Variants in BZW2 observed in about 807,000 individuals in gnomAD.
The protein encoded by BZW2 is basic leucine zipper and W2 domains 2.
In BZW2, 23 loss-of-function variants were observed where a neutral mutation model predicts 53.2. That is an observed-to-expected ratio of 0.43 (90% CI 0.31 to 0.61). The LOEUF (loss-of-function observed/expected upper bound fraction) is 0.61, where lower values mean the gene tolerates loss of function less well. BZW2 is among the 20% of genes least tolerant of loss of function. The probability of loss-of-function intolerance (pLI) is 0.09; values close to 1 mark genes in which losing one functional copy is unlikely to be tolerated. For synonymous variants in BZW2, 227 were observed against 186.4 expected (o/e 1.22, Z -1.77); for missense variants, 409 against 503.1 (o/e 0.81, Z 1.79).
At chr7:16,703,919 A>G (rs1210099438) in intron 10 of BZW2, among the ~76,000 whole-genome samples, 1 of 152,180 alleles carries the variant, frequency 6.6e-6, no homozygotes, top group Non-Finnish European at 1.5e-5. Context: ...GAGGAAAAAT[A>G]TTACTCTTGT....
intron 10 of BZW2, among the ~76,000 whole-genome samples, chr7:16,701,349 A>G (rs1476231760): frequency 6.6e-6 from 1 of 152,124 alleles, no homozygotes; most frequent in Non-Finnish European, 1.5e-5. Context: ...TACTGTTATT[A>G]TCTCTATCAT....
intron 10 of BZW2, among the ~76,000 whole-genome samples, chr7:16,699,804 G>T (rs1333026606): frequency 2.0e-5 from 3 of 152,090 alleles, no homozygotes; most frequent in African/African-American, 7.2e-5. Flanking sequence ...TTTTCCTTTA[G>T]ACTTAGACTT....
At chr7:16,664,500 C>G (rs925205782) in intron 1 of BZW2, among the ~76,000 whole-genome samples, 1 of 152,138 alleles carries the variant, frequency 6.6e-6, no homozygotes, top group East Asian at 1.9e-4. Context: ...AGAAGCCAGA[C>G]CTTATCTGGC....
At chr7:16,703,529 T>C (rs1057251171) in intron 10 of BZW2, among the ~76,000 whole-genome samples, 2 of 152,220 alleles carry the variant, frequency 1.3e-5, no homozygotes, top group Non-Finnish European at 2.9e-5. Flanking sequence ...AAAGATATCA[T>C]TAAAGTAATT....
intron 5 of BZW2, 85 bp downstream of exon 5, chr7:16,682,930 G>T: frequency 1.1e-6 from 1 of 872,024 alleles, no homozygotes; most frequent in Non-Finnish European, 1.7e-6. Context: ...GGACACGGTG[G>T]CTCACGCCTG....
chr7:16,679,494 A>G (rs936061521), intron 3 of BZW2, among the ~76,000 whole-genome samples: 2 of 152,204 alleles, frequency 1.3e-5, no homozygotes, highest in African/African-American at 2.4e-5. Context: ...CCAAAAACTA[A>G]TTTACTTACT....
In BZW2 at chr7:16,646,274, TA is replaced by T. The variant is rs2128348218; in HGVS notation, c.-21del. 1 of 274,054 alleles carries T rather than the reference TA, an allele frequency of 3.6e-6. No homozygotes were observed. The highest frequency in any genetic ancestry group is 2.3e-5 in the African/African-American group (1 of 43,646). 17.0% of individuals were successfully genotyped at this position (274,054 alleles called of 1,614,324 possible). On this transcript the variant is annotated 5_prime_UTR_variant, in exon 1 of 12. Transcript: ENST00000258761. Reference sequence around the variant, plus strand: ...AGCCCCCAGCCTTGCGCGTCGTCGCTACCTCCTCGGACAGGTGAGAAGCAGC... The same window carrying T: ...AGCCCCCAGCCTTGCGCGTCGTCGCTCCTCCTCGGACAGGTGAGAAGCAGC...
intron 2 of BZW2, among the ~76,000 whole-genome samples, chr7:16,669,977 T>C (rs1392040098): frequency 6.6e-6 from 1 of 152,228 alleles, no homozygotes; most frequent in Admixed American, 6.5e-5. Context: ...TTTACTGTAC[T>C]TTCAGATGAA....
At chr7:16,681,149 A>G (rs1275426703) in intron 3 of BZW2, 152 bp from the exon 4 acceptor site, 3 of 654,856 alleles carry the variant, frequency 4.6e-6, no homozygotes, top group South Asian at 1.9e-5. Flanking sequence ...GTGTACATCT[A>G]TACATACATG....
At chr7:16,655,117 G>A (rs1286527925) in intron 1 of BZW2, among the ~76,000 whole-genome samples, 1 of 152,104 alleles carries the variant, frequency 6.6e-6, no homozygotes, top group Non-Finnish European at 1.5e-5. Context: ...CAATGGATTA[G>A]ACTCTGAATG....
chr7:16,664,816 A>G (rs555588795), intron 1 of BZW2, among the ~76,000 whole-genome samples: 13 of 152,144 alleles, frequency 8.5e-5, no homozygotes, highest in Non-Finnish European at 1.8e-4. Context: ...TTCCTGGTAG[A>G]GTACTGCTGG....
chr7:16,685,357 G>A (rs572173083), intron 5 of BZW2, among the ~76,000 whole-genome samples: 34 of 150,728 alleles, frequency 2.3e-4, no homozygotes, highest in Non-Finnish European at 3.8e-4. Flanking sequence ...GTTGTATTCC[G>A]TGAGCTCAGA....
chr7:16,700,531 G>C (rs1000266405), intron 10 of BZW2, among the ~76,000 whole-genome samples: 6 of 152,174 alleles, frequency 3.9e-5, no homozygotes, highest in African/African-American at 1.4e-4. Flanking sequence ...ATTACCCAGA[G>C]AGCTTGTTAT....
At chr7:16,697,869 G>A in intron 9 of BZW2, 179 bp from the exon 10 acceptor site, 2 of 671,006 alleles carry the variant, frequency 3.0e-6, no homozygotes, top group South Asian at 4.3e-5. Context: ...CGACTATACT[G>A]CTTTGTTCCT....
intron 3 of BZW2, among the ~76,000 whole-genome samples, chr7:16,677,528 G>T (rs1167575): frequency 0.24 from 36,473 of 152,086 alleles, 4,812 homozygotes; most frequent in East Asian, 0.38. Context: ...TGCCTTCAAT[G>T]TCATTAACAT....
Position 16,696,961 on chromosome 7 carries a change from A to T in BZW2, c.869A>T (p.Glu290Val), listed in dbSNP as rs1241596634. The T allele has an allele frequency of 6.2e-7, 1 of 1,614,146 alleles. No individual in the cohort carries two copies. Among genetic ancestry groups the T allele is most frequent in the Non-Finnish European group, 8.5e-7 (1 of 1,179,976 alleles). Residue 290 changes from glutamate to valine, a missense_variant, in exon 9 of 12, where the codon GAA becomes GTA. Physicochemically the swap from Glu to Val is moderately radical, Grantham distance 121. Around this residue, in one of 3 missense-constraint regions of BZW2, gnomAD observed 316 missense variants for 366.8 expected, o/e 0.86. Coordinates refer to ENST00000258761, the MANE Select transcript of BZW2 (RefSeq NM_014038.3). ...KEEMKRNDLPETAVIGLLWTC... is the reference protein window; with the variant it reads ...KEEMKRNDLPVTAVIGLLWTC... ...GAAATGAAGAGGAATGATCTTCCAG[A>T]AACAGCAGTGATTGGTCTTCTGTGG... is the stretch of plus-strand genomic sequence containing the variant.
chr7:16,682,907 T>G (rs1330171082), intron 5 of BZW2, 62 bp downstream of exon 5: 2 of 1,196,308 alleles, frequency 1.7e-6, no homozygotes, highest in African/African-American at 3.1e-5. Context: ...GGATAAAAAT[T>G]TTATAAGTGG....
At chr7:16,689,716 C>A in intron 6 of BZW2, 81 bp from the exon 7 acceptor site, 1 of 1,179,910 alleles carries the variant, frequency 8.5e-7, no homozygotes. Flanking sequence ...TTACACATTT[C>A]AGGAAACCTG....
chr7:16,703,772 C>T (rs2128371999), intron 10 of BZW2, among the ~76,000 whole-genome samples: 1 of 152,168 alleles, frequency 6.6e-6, no homozygotes, highest in African/African-American at 2.4e-5. Flanking sequence ...TAAATACTCT[C>T]AATTAATGTT....
Sources: gnomAD v4.1 joint callset for allele counts (sites outside exome capture counted in the v4.1 genomes callset) on GRCh38, gnomAD v4.1.1 for gene constraint, gnomAD v4.1.1 regional missense constraint, MANE v1.5 for transcripts, NCBI Gene and HGNC (gene_info 2026-07-23, HGNC 2026-07-21) for gene names.